Variants in ARHGAP6 observed in about 807,000 individuals in gnomAD.
ARHGAP6 encodes rho GTPase-activating protein 6.
Under a neutral mutation model 55.7 loss-of-function variants are expected in ARHGAP6, and 16 were observed. That is an observed-to-expected ratio of 0.29 (90% confidence interval 0.19 to 0.44). ARHGAP6 has a LOEUF of 0.44. Among genes scored for constraint, ARHGAP6 ranks in the 20% least tolerant of loss-of-function variants. The pLI is 1.00. For synonymous variants in ARHGAP6, 382 were observed against 360.9 expected, an observed-to-expected ratio of 1.06 and a Z score of -0.66; for missense variants, 698 against 808.9, an observed-to-expected ratio of 0.86 and a Z score of 1.66.
At chrX:11,395,057 A>G (rs1251912817) in intron 1 of ARHGAP6, among the ~76,000 whole-genome samples, 1 of 112,139 alleles carries the variant, frequency 8.9e-6, no homozygotes, top group Non-Finnish European at 1.9e-5. Flanking sequence ...TTGTCACAAA[A>G]ATTCTGGACT....
intron 1 of ARHGAP6, among the ~76,000 whole-genome samples, chrX:11,283,176 C>T (rs137898537): frequency 0.035 from 3,910 of 111,775 alleles, 172 homozygotes; most frequent in African/African-American, 0.12. Context: ...ATAGTCATAT[C>T]GTGCTCTATG....
At chrX:11,573,226 TTGC>T (rs2051550984) in intron 1 of ARHGAP6, among the ~76,000 whole-genome samples, 1 of 109,691 alleles carries the variant, frequency 9.1e-6, no homozygotes, top group Admixed American at 9.6e-5. Context: ...TTTGTTGCCA[TTGC>T]TTTTGGTGTT....
At chrX:11,617,771 G>A (rs999939123) in intron 1 of ARHGAP6, among the ~76,000 whole-genome samples, 2 of 111,410 alleles carry the variant, frequency 1.8e-5, no homozygotes, top group African/African-American at 6.5e-5. Flanking sequence ...GGGCTGGAAG[G>A]GGAGTTTTAT....
chrX:11,374,171 G>T (rs919827351), intron 1 of ARHGAP6, among the ~76,000 whole-genome samples: 1 of 111,514 alleles, frequency 9.0e-6, no homozygotes, highest in Admixed American at 9.5e-5. Flanking sequence ...CTCCGTGGTA[G>T]TAATATGGAG....
intron 1 of ARHGAP6, among the ~76,000 whole-genome samples, chrX:11,467,586 T>A (rs1312595397): frequency 1.8e-5 from 2 of 111,514 alleles, no homozygotes; most frequent in African/African-American, 6.5e-5. Context: ...GGACTACAGA[T>A]GAATGCAACA....
At chrX:11,246,986 G>A (rs920433386) in intron 2 of ARHGAP6, among the ~76,000 whole-genome samples, 4 of 112,005 alleles carry the variant, frequency 3.6e-5, no homozygotes, top group Admixed American at 9.5e-5. Context: ...TGCCTACCAG[G>A]TTACTTTTAT....
chrX:11,319,955 A>G (rs2048410876), intron 1 of ARHGAP6, among the ~76,000 whole-genome samples: 1 of 112,276 alleles, frequency 8.9e-6, no homozygotes, highest in Admixed American at 9.5e-5. Flanking sequence ...TGGGGGGGAA[A>G]ATATCACACA....
intron 2 of ARHGAP6, among the ~76,000 whole-genome samples, chrX:11,210,388 A>G (rs2046775337): frequency 1.8e-5 from 2 of 112,700 alleles, no homozygotes; most frequent in Admixed American, 9.4e-5. Context: ...TCCAAAGAGG[A>G]GTCTGACTTT....
chrX:11,407,030 G>A (rs1286610316), intron 1 of ARHGAP6, among the ~76,000 whole-genome samples: 1 of 111,439 alleles, frequency 9.0e-6, no homozygotes, highest in Non-Finnish European at 1.9e-5. Context: ...CATTTCAGGT[G>A]TTTGATTAAA....
At chrX:11,454,836 T>C (rs1336970538) in intron 1 of ARHGAP6, among the ~76,000 whole-genome samples, 1 of 112,716 alleles carries the variant, frequency 8.9e-6, no homozygotes, top group African/African-American at 3.2e-5. Context: ...TGGTGTAAAA[T>C]ATTTGTTATT....
chrX:11,537,272 G>C (rs2051113105), intron 1 of ARHGAP6, among the ~76,000 whole-genome samples: 1 of 112,223 alleles, frequency 8.9e-6, no homozygotes. Flanking sequence ...GGAACATGTG[G>C]CAATGTCTTG....
intron 2 of ARHGAP6, among the ~76,000 whole-genome samples, chrX:11,238,074 G>C (rs973031642): frequency 2.1e-4 from 24 of 112,179 alleles, no homozygotes; most frequent in African/African-American, 7.8e-4. Context: ...ACTGGTCTAT[G>C]TATAACTCAA....
chrX:11,580,916 A>G (rs922205365), intron 1 of ARHGAP6, among the ~76,000 whole-genome samples: 2 of 112,252 alleles, frequency 1.8e-5, no homozygotes, highest in Non-Finnish European at 3.8e-5. Context: ...AGTAGGGTCC[A>G]TGGACTACGC....
chrX:11,366,589 C>A (rs1040999188), intron 1 of ARHGAP6, among the ~76,000 whole-genome samples: 1 of 111,131 alleles, frequency 9.0e-6, no homozygotes. Context: ...ACTAGAGCGA[C>A]GTGGGTAAGT....
At chrX:11,297,310 G>A (rs1377030574) in intron 1 of ARHGAP6, among the ~76,000 whole-genome samples, 1 of 111,971 alleles carries the variant, frequency 8.9e-6, no homozygotes, top group Non-Finnish European at 1.9e-5. Flanking sequence ...CGGAATGCAT[G>A]AGTTTTGGAC....
chrX:11,222,950 C>T (rs991829972), intron 2 of ARHGAP6, among the ~76,000 whole-genome samples: 2 of 111,311 alleles, frequency 1.8e-5, no homozygotes, highest in African/African-American at 6.5e-5. Context: ...TGCTGTTATA[C>T]CAATTGGAAT....
chrX:11,467,059 T>C (rs1052333815), intron 1 of ARHGAP6, among the ~76,000 whole-genome samples: 14 of 111,992 alleles, frequency 1.3e-4, no homozygotes, highest in African/African-American at 3.9e-4. Context: ...AAATTCTGTT[T>C]TCCTGACCTC....
chrX:11,329,438 C>CT (rs1322125082), intron 1 of ARHGAP6, among the ~76,000 whole-genome samples: 2 of 112,219 alleles, frequency 1.8e-5, no homozygotes, highest in African/African-American at 6.5e-5. Flanking sequence ...ACCTGCCTGA[C>CT]TTTAAGTAAT....
intron 1 of ARHGAP6, among the ~76,000 whole-genome samples, chrX:11,510,918 G>A (rs1398393500): frequency 9.0e-6 from 1 of 111,699 alleles, no homozygotes; most frequent in Non-Finnish European, 1.9e-5. Context: ...GGCTGCTTTA[G>A]CCCTACAAGC....
Sources: gnomAD v4.1 joint callset for allele counts (sites outside exome capture counted in the v4.1 genomes callset) on GRCh38, gnomAD v4.1.1 for gene constraint, MANE v1.5 for transcripts, NCBI Gene and HGNC (gene_info 2026-07-23, HGNC 2026-07-21) for gene names.